The following RBM39 variants were observed in gnomAD, a reference collection of about 807,000 sequenced individuals.
The protein encoded by RBM39 is RNA-binding protein 39.
A neutral mutation model predicts 79.6 loss-of-function variants in RBM39; 12 were observed. The ratio of observed to expected loss-of-function variants is 0.15; its 90% confidence interval spans 0.10 to 0.24. The LOEUF (loss-of-function observed/expected upper bound fraction) is 0.24. RBM39 is among the 10% of genes least tolerant of loss of function. The pLI is 1.00. For synonymous variants in RBM39, 185 were observed against 208.4 expected, an observed-to-expected ratio of 0.89 and a Z score of 0.97; for missense variants, 243 against 653.4, an observed-to-expected ratio of 0.37 and a Z score of 6.85.
chr20:35,721,717 T>C (rs982160597), intron 9 of RBM39, 23 bp downstream of exon 9: 6 of 1,610,640 alleles, frequency 3.7e-6, no homozygotes, highest in Non-Finnish European at 5.1e-6. Context: ...CTACTGAAGA[T>C]TCATTGAAGA....
At chr20:35,721,984 C>T (rs1176166118) in intron 8 of RBM39, 107 bp from the exon 9 acceptor site, 2 of 1,302,540 alleles carry the variant, frequency 1.5e-6, no homozygotes, top group African/African-American at 3.0e-5. Context: ...GATAAAAATA[C>T]TACCCTACGT....
chr20:35,720,707 G>A (rs978261499), intron 9 of RBM39, among the ~76,000 whole-genome samples: 2 of 152,170 alleles, frequency 1.3e-5, no homozygotes, highest in African/African-American at 4.8e-5. Context: ...GAGAGGAGGA[G>A]TTTGCAGCGA....
intron 8 of RBM39, among the ~76,000 whole-genome samples, chr20:35,723,728 G>A (rs1332426969): frequency 2.6e-5 from 4 of 152,064 alleles, no homozygotes; most frequent in South Asian, 2.1e-4. Context: ...ATGAGCCATC[G>A]CGCCCAGCCA....
intron 12 of RBM39, among the ~76,000 whole-genome samples, chr20:35,711,776 G>A (rs536663717): frequency 3.3e-5 from 5 of 152,252 alleles, no homozygotes; most frequent in African/African-American, 7.2e-5. Context: ...GGACCTCTTC[G>A]TACTTTCAGA....
At chr20:35,740,970 C>T in intron 1 of RBM39, 83 bp from the exon 2 acceptor site, 1 of 807,436 alleles carries the variant, frequency 1.2e-6, no homozygotes, top group Non-Finnish European at 1.9e-6. Context: ...CCTATATCGT[C>T]TAACATTTTC....
At chr20:35,716,472 A>C (rs983218049) in intron 10 of RBM39, among the ~76,000 whole-genome samples, 4 of 152,214 alleles carry the variant, frequency 2.6e-5, no homozygotes, top group East Asian at 1.9e-4. Context: ...TGGATCAAAA[A>C]ATTTTAGGAG....
At chr20:35,723,727 C>T (rs576282925) in intron 8 of RBM39, among the ~76,000 whole-genome samples, 6 of 152,290 alleles carry the variant, frequency 3.9e-5, no homozygotes, top group East Asian at 1.9e-4. Flanking sequence ...CATGAGCCAT[C>T]GCGCCCAGCC....
At chr20:35,729,843 TA>T (rs11476594) in intron 4 of RBM39, among the ~76,000 whole-genome samples, 118,510 of 145,240 alleles carry the variant, frequency 0.82, 47,748 homozygotes, top group East Asian at 0.88. Context: ...TCTTGAGAAT[TA>T]AAAAAAAAAA....
intron 9 of RBM39, among the ~76,000 whole-genome samples, chr20:35,717,168 T>C (rs552431720): frequency 6.6e-6 from 1 of 151,894 alleles, no homozygotes; most frequent in East Asian, 1.9e-4. Context: ...TACGCCCAGC[T>C]ACTTGGAATG....
At chr20:35,731,401 A>AAT (rs1316139602) in intron 4 of RBM39, 1 of 152,708 alleles carries the variant, frequency 6.5e-6, no homozygotes, top group African/African-American at 2.4e-5. Context: ...ACAAACCTTA[A>AAT]ATACAGATGA....
At chr20:35,720,821 C>T (rs2037832405) in intron 9 of RBM39, among the ~76,000 whole-genome samples, 1 of 152,164 alleles carries the variant, frequency 6.6e-6, no homozygotes, top group Non-Finnish European at 1.5e-5. Flanking sequence ...GGGTCACATA[C>T]TGTTAGGCAG....
At chr20:35,720,847 G>A (rs2037837774) in intron 9 of RBM39, among the ~76,000 whole-genome samples, 1 of 152,170 alleles carries the variant, frequency 6.6e-6, no homozygotes, top group African/African-American at 2.4e-5. Flanking sequence ...CCTTGCCAGA[G>A]GGGCATTCAC....
intron 6 of RBM39, among the ~76,000 whole-genome samples, chr20:35,728,466 A>AGCCG: frequency 1.3e-5 from 2 of 152,232 alleles, no homozygotes; most frequent in African/African-American, 4.8e-5. Context: ...TAATTAAAAT[A>AGCCG]GGAAAATAAG....
chr20:35,722,415 TAAAAATAAAAA>T (rs1210683993), intron 8 of RBM39, among the ~76,000 whole-genome samples: 207 of 84,368 alleles, frequency 2.5e-3, no homozygotes, highest in African/African-American at 9.1e-3. Context: ...TCAAAAAAAA[TAAAAATAAAAA>T]AAAAAATAAA....
intron 3 of RBM39, 37 bp downstream of exon 3, chr20:35,738,931 C>T (rs558425013): frequency 1.3e-6 from 2 of 1,572,200 alleles, no homozygotes; most frequent in Non-Finnish European, 1.7e-6. Context: ...CACAAAAAAG[C>T]TCACCACCCT....
intron 3 of RBM39, chr20:35,736,404 A>G (rs927424087): frequency 3.2e-6 from 1 of 310,226 alleles, no homozygotes; most frequent in South Asian, 3.0e-5. Context: ...TTTTTAATCC[A>G]TTACCACATT....
intron 3 of RBM39, among the ~76,000 whole-genome samples, chr20:35,736,097 A>C (rs566073756): frequency 7.7e-6 from 1 of 129,998 alleles, no homozygotes; most frequent in Admixed American, 8.6e-5. Context: ...CGAAATCTTT[A>C]GCCACTCGGC....
At chr20:35,728,354 T>C (rs746315920) in intron 6 of RBM39, among the ~76,000 whole-genome samples, 2 of 152,270 alleles carry the variant, frequency 1.3e-5, no homozygotes, top group Non-Finnish European at 2.9e-5. Context: ...AATTACCCGA[T>C]TTGATCATTA....
chr20:35,739,758 T>C (rs1235234015), intron 2 of RBM39: 1 of 295,794 alleles, frequency 3.4e-6, no homozygotes, highest in Non-Finnish European at 6.8e-6. Flanking sequence ...ATTACAAAAT[T>C]ACATACACTA....
Sources: gnomAD v4.1 joint callset for allele counts (sites outside exome capture counted in the v4.1 genomes callset) on GRCh38, gnomAD v4.1.1 for gene constraint, MANE v1.5 for transcripts, NCBI Gene and HGNC (gene_info 2026-07-23, HGNC 2026-07-21) for gene names.